Variants in ZNF107 observed in about 807,000 individuals in gnomAD.
ZNF107 encodes C2H2 type zinc-finger protein.
In ZNF107, 19 loss-of-function variants were observed where a neutral mutation model predicts 12.3. The observed-to-expected ratio is 1.55, with a 90% CI of 1.08 to 2.27. ZNF107 has a LOEUF of 2.27. Among genes scored for constraint, ZNF107 ranks in the 30% most tolerant of loss-of-function variants. The pLI is 0.00. For synonymous variants in ZNF107, 317 were observed against 330.5 expected, an observed-to-expected ratio of 0.96 and a Z score of 0.44; for missense variants, 958 against 979.9, an observed-to-expected ratio of 0.98 and a Z score of 0.30.
At chr7:64,687,025 GAA>G (rs1789944293) in intron 1 of ZNF107, 1 of 985,294 alleles carries the variant, frequency 1.0e-6, no homozygotes, top group African/African-American at 1.7e-5. Context: ...TTTTTACAGA[GAA>G]ATGTGTTTTA....
chr7:64,691,525 A>G (rs1790117544), intron 2 of ZNF107, 151 bp downstream of exon 2: 1 of 561,408 alleles, frequency 1.8e-6, no homozygotes, highest in Non-Finnish European at 2.3e-6. Context: ...TTGTGTAGAA[A>G]ATAATTCCTT....
At chr7:64,691,089 G>A (rs189114581) in intron 1 of ZNF107, among the ~76,000 whole-genome samples, 159 bp from the exon 2 acceptor site, 11 of 152,292 alleles carry the variant, frequency 7.2e-5, no homozygotes, top group African/African-American at 1.7e-4. Context: ...GGCCAGGATG[G>A]TCTCAATCTC....
At chr7:64,704,821 G>A (rs190534735) in intron 3 of ZNF107, among the ~76,000 whole-genome samples, 7 of 152,136 alleles carry the variant, frequency 4.6e-5, no homozygotes, top group Non-Finnish European at 7.4e-5. Flanking sequence ...GAGTACAGGA[G>A]TGCACCACCA....
chr7:64,697,436 A>G (rs1790329740), intron 3 of ZNF107, among the ~76,000 whole-genome samples: 1 of 152,190 alleles, frequency 6.6e-6, no homozygotes, highest in Non-Finnish European at 1.5e-5. Context: ...TCCCACCAAC[A>G]GTGTAAAAGC....
rs775504435 is a variant in ZNF107 at position 64,707,344 on chromosome 7, A to G, written c.1247A>G (p.Lys416Arg). The change falls in exon 4 of 4, where the codon AAG (lysine) becomes AGG (arginine). Residue 416 changes from lysine to arginine, a missense_variant. Coordinates refer to ENST00000620827, the MANE Select transcript of ZNF107 (RefSeq NM_001282359.2). ...FNQFSTLTRH[K>R]IIHTGEKPYK... The stretch of plus-strand genomic sequence containing the variant: ...CAGTTCTCAACTCTTACTAGACATA[A>G]GATAATTCATACTGGAGAGAAACCC... 6.2e-7 allele frequency: 1 copy of G among 1,613,398 alleles called. No homozygotes were observed. The highest frequency in any genetic ancestry group is 8.5e-7 in the Non-Finnish European group (1 of 1,179,768).
At chr7:64,688,257 C>CTTTT (rs36082192) in intron 1 of ZNF107, among the ~76,000 whole-genome samples, 1 of 133,326 alleles carries the variant, frequency 7.5e-6, no homozygotes. Flanking sequence ...CCTTCCTCCT[C>CTTTT]TTTTTTTTTT....
At chr7:64,681,509 C>T (rs1039315536) in intron 1 of ZNF107, among the ~76,000 whole-genome samples, 2 of 152,038 alleles carry the variant, frequency 1.3e-5, no homozygotes, top group African/African-American at 4.8e-5. Context: ...CACCCTTCTC[C>T]CCAACCCTTC....
intron 3 of ZNF107, among the ~76,000 whole-genome samples, chr7:64,704,757 C>A (rs28532348): frequency 0.071 from 10,823 of 152,144 alleles, 573 homozygotes; most frequent in East Asian, 0.27. Context: ...CTCACTGCAG[C>A]CTCCACCTCC....
Position 64,695,433 on chromosome 7 carries a change from A to C in ZNF107, c.226+3473A>C, listed in dbSNP as rs1790256106. 2.0e-5 allele frequency among the ~76,000 whole-genome samples: 3 copies of C among 152,176 alleles called. No individual in the cohort carries two copies. The South Asian group carries it at 6.2e-4, about 31-fold the overall frequency. ...TTAATGGTACATCAATATTGCAAAAAAGATTTCATGAATAAACATTTTTCT... is the reference window on the plus strand; with the variant it reads ...TTAATGGTACATCAATATTGCAAAACAGATTTCATGAATAAACATTTTTCT... On this transcript the variant is annotated intron_variant, in intron 3 of 3. Coordinates refer to ENST00000620827, the MANE Select transcript of ZNF107 (RefSeq NM_001282359.2).
chr7:64,696,520 A>T (rs1458538889), intron 3 of ZNF107, among the ~76,000 whole-genome samples: 2 of 152,190 alleles, frequency 1.3e-5, no homozygotes, highest in Non-Finnish European at 2.9e-5. Flanking sequence ...GTCTCAAAAA[A>T]ATATACTGTT....
At chr7:64,693,898 C>T (rs1038135075) in intron 3 of ZNF107, among the ~76,000 whole-genome samples, 2 of 152,096 alleles carry the variant, frequency 1.3e-5, no homozygotes, top group Admixed American at 1.3e-4. Flanking sequence ...AAGCGATTCT[C>T]GTGCTTCAGT....
intron 3 of ZNF107, among the ~76,000 whole-genome samples, chr7:64,702,660 C>T (rs935757136): frequency 8.5e-4 from 128 of 151,362 alleles, no homozygotes; most frequent in African/African-American, 3.0e-3. Context: ...CAGATTCAAG[C>T]GATTCTCCTG....
chr7:64,695,572 C>T (rs968534670), intron 3 of ZNF107, among the ~76,000 whole-genome samples: 1 of 152,052 alleles, frequency 6.6e-6, no homozygotes, highest in African/African-American at 2.4e-5. Flanking sequence ...TCTGTTTGTA[C>T]ACTTTTAAGT....
intron 3 of ZNF107, among the ~76,000 whole-genome samples, chr7:64,701,065 A>C (rs1018054707): frequency 6.6e-6 from 1 of 152,184 alleles, no homozygotes; most frequent in Non-Finnish European, 1.5e-5. Context: ...ATACATGTAC[A>C]TATAGATAAA....
intron 3 of ZNF107, among the ~76,000 whole-genome samples, chr7:64,692,239 A>ACT (rs34862543): frequency 0.93 from 141,317 of 152,130 alleles, 65,667 homozygotes; most frequent in African/African-American, 0.94. Flanking sequence ...GCACAATCTG[A>ACT]CTTTTTTATT....
At chr7:64,676,142 A>G (rs926969933) in intron 1 of ZNF107, among the ~76,000 whole-genome samples, 1 of 152,184 alleles carries the variant, frequency 6.6e-6, no homozygotes, top group Non-Finnish European at 1.5e-5. Context: ...ATGAGCCACC[A>G]TGCCCAGCCC....
In ZNF107 at chr7:64,666,158, G is replaced by A; in HGVS notation, c.-125G>A. Reference sequence around the variant, plus strand: ...GCCTTTGTCTCTGGCTGCAGCCGGAGCTCCTGCTCTCCTCCTCACTGCTCA... The same window carrying A: ...GCCTTTGTCTCTGGCTGCAGCCGGAACTCCTGCTCTCCTCCTCACTGCTCA... On this transcript the variant is annotated 5_prime_UTR_variant, in exon 1 of 4. Coordinates refer to ENST00000620827, the MANE Select transcript of ZNF107 (RefSeq NM_001282359.2). The A allele has an allele frequency of 7.5e-7, 1 of 1,330,232 alleles. No individual in the cohort carries two copies. The highest frequency in any genetic ancestry group is 1.1e-6 in the Non-Finnish European group (1 of 944,296). The allele number at this position is 1,330,232 out of a possible 1,614,324, so 82.4% of individuals were successfully genotyped here.
intron 1 of ZNF107, among the ~76,000 whole-genome samples, chr7:64,676,743 G>C (rs188735870): frequency 6.6e-6 from 1 of 152,238 alleles, no homozygotes; most frequent in Admixed American, 6.5e-5. Flanking sequence ...TTTACCCCAA[G>C]GTGTTTCTGT....
Position 64,709,877 on chromosome 7 carries a change from C to T in ZNF107, c.*1221C>T. ...TGCTGGCTCACATCTGTAATGCCAG[C>T]ACTTTGGGAGGCCAAGGTGGGTGGA... On this transcript the variant is annotated 3_prime_UTR_variant, in exon 4 of 4. Transcript: ENST00000620827. The T allele has an allele frequency of 2.7e-6, 1 of 371,502 alleles. No homozygotes were observed. Among genetic ancestry groups the T allele is most frequent in the South Asian group, 2.0e-5 (1 of 50,202 alleles). The allele number at this position is 371,502 out of a possible 1,614,324, so 23.0% of individuals were successfully genotyped here. A position where few individuals can be genotyped will look rare whatever the true frequency, so the allele number is the denominator to read the frequency against.
Sources: allele counts gnomAD v4.1 joint callset (sites outside exome capture counted in the v4.1 genomes callset), GRCh38; gene constraint gnomAD v4.1.1; transcripts MANE v1.5; gene names NCBI Gene and HGNC (gene_info 2026-07-23, HGNC 2026-07-21).